The following CPXM2 variants were observed in gnomAD, a reference collection of about 807,000 sequenced individuals.
CPXM2 encodes the protein carboxypeptidase X, M14 family member 2.
In CPXM2, 66 loss-of-function variants were observed where a neutral mutation model predicts 86.1. That is an observed-to-expected ratio of 0.77 (90% CI 0.63 to 0.94). CPXM2 has a LOEUF of 0.94. Ranked by LOEUF, CPXM2 falls within the 40% of genes least tolerant of loss-of-function variation. CPXM2 has a pLI of 0.00. For missense variants in CPXM2, 948 were observed against 1,026.3 expected (o/e 0.92, Z 1.04); for synonymous variants, 388 against 400.2 (o/e 0.97, Z 0.36).
chr10:123,820,927 T>C (rs889899308), intron 4 of CPXM2, among the ~76,000 whole-genome samples: 12 of 152,336 alleles, frequency 7.9e-5, no homozygotes, highest in Non-Finnish European at 1.5e-4. Context: ...AAAGTCGCTT[T>C]TGCCATGTAA....
Position 123,824,809 on chromosome 10 carries a change from A to G in CPXM2, c.653+17540T>C, listed in dbSNP as rs146063564. Among the ~76,000 whole-genome samples the G allele has an allele frequency of 2.7e-3, 416 of 152,342 alleles. 1 individual carries two copies. Among genetic ancestry groups the G allele is most frequent in the African/African-American group, 9.2e-3 (382 of 41,586 alleles). On this transcript the variant is annotated intron_variant, in intron 4 of 13. Coordinates refer to ENST00000241305, the MANE Select transcript of CPXM2 (RefSeq NM_198148.3). ...ATACTTACTATTACAGTAGCTCAAC[A>G]CATGGTAGTTATTGTCATCATGACC...
At position 123,774,008 on chromosome 10, in the gene CPXM2, G is replaced by T. The variant is rs936018030; in HGVS notation, c.979-2969C>A. On this transcript the variant is annotated intron_variant, in intron 7 of 13. Transcript: ENST00000241305. ...TCACTGCAAATCTGTGATTTGCTAGGCTAAATTTGTTTATCAATACCCAAG... is the reference window on the plus strand; with the variant it reads ...TCACTGCAAATCTGTGATTTGCTAGTCTAAATTTGTTTATCAATACCCAAG... Among the ~76,000 whole-genome samples the T allele has an allele frequency of 3.3e-5, 5 of 152,182 alleles. No individual in the cohort carries two copies. In the East Asian group the frequency reaches 9.6e-4, roughly 29 times the overall value.
chr10:123,768,720 C>T lies in CPXM2; in HGVS notation c.1105G>A (p.Glu369Lys). ...SDHPGEHEVG[E>K]PEFHYIAGAH... ...CCCGCGATGTAGTGGAACTCGGGCT[C>T]ACCTTTACTCAAAGACAGAGAGAAG... Residue 369 changes from glutamate (E) to lysine (K), a missense_variant and splice_region_variant, in exon 9 of 14, where the codon GAG becomes AAG. Glu to Lys is a moderately conservative substitution (Grantham distance 56). Transcript: ENST00000241305. 1.2e-6 allele frequency: 2 copies of T among 1,607,306 alleles called. No individual in the cohort carries two copies. Among genetic ancestry groups the T allele is most frequent in the South Asian group, 1.1e-5 (1 of 91,068 alleles).
At chr10:123,890,364 G>A (rs1945247358) in intron 1 of CPXM2, among the ~76,000 whole-genome samples, 1 of 152,230 alleles carries the variant, frequency 6.6e-6, no homozygotes, top group Non-Finnish European at 1.5e-5. Context: ...CCTTTCAGGA[G>A]TTCTGTGTCC....
chr10:123,889,365 C>A (rs1047272414), intron 1 of CPXM2, among the ~76,000 whole-genome samples: 1 of 152,150 alleles, frequency 6.6e-6, no homozygotes, highest in Non-Finnish European at 1.5e-5. Flanking sequence ...TCAGTGAGCT[C>A]CCCCAGCTTG....
At chr10:123,792,388 C>T (rs1847224253) in intron 6 of CPXM2, among the ~76,000 whole-genome samples, 1 of 152,128 alleles carries the variant, frequency 6.6e-6, no homozygotes. Flanking sequence ...CTTCTGCTTC[C>T]TAGGGGAGTA....
intron 2 of CPXM2, among the ~76,000 whole-genome samples, chr10:123,917,771 C>G (rs563460436): frequency 6.6e-6 from 1 of 152,216 alleles, no homozygotes. Context: ...CTTTTCAGGA[C>G]TGAGAAAGGA....
intron 2 of CPXM2, among the ~76,000 whole-genome samples, chr10:123,867,579 G>A (rs1343353222): frequency 7.1e-6 from 1 of 141,646 alleles, no homozygotes; most frequent in African/African-American, 2.6e-5. Flanking sequence ...TGTCACCCAG[G>A]CTGCAGTGCA....
In CPXM2 at chr10:123,806,285, T is replaced by G. The variant is rs966415380; in HGVS notation, c.654-7086A>C. ...TTTATTTTCTTTCAGCACTTAAAAA[T>G]TTTGATTTTATTGGCTTGTGAGGCA... On this transcript the variant is annotated intron_variant, in intron 4 of 13. Coordinates refer to ENST00000241305, the MANE Select transcript of CPXM2 (RefSeq NM_198148.3). Among the ~76,000 whole-genome samples the G allele has an allele frequency of 2.6e-5, 4 of 152,296 alleles. No homozygotes were observed. The East Asian group carries it at 7.7e-4, about 29-fold the overall frequency.
chr10:123,814,404 T>C (rs1847766515), intron 4 of CPXM2, among the ~76,000 whole-genome samples: 2 of 152,178 alleles, frequency 1.3e-5, no homozygotes, highest in Middle Eastern at 3.2e-3. Context: ...TTCTTCAGTT[T>C]TGGGACTCAG....
At chr10:123,933,339 G>A (rs1167208407) in intron 2 of CPXM2, among the ~76,000 whole-genome samples, 2 of 152,208 alleles carry the variant, frequency 1.3e-5, no homozygotes. Flanking sequence ...ATCCTTTGAC[G>A]GCAGTGGGGA....
rs544216431 is a variant in CPXM2 at position 123,815,076 on chromosome 10, T to C, written c.654-15877A>G. 2.0e-5 allele frequency among the ~76,000 whole-genome samples: 3 copies of C among 152,324 alleles called. No individual in the cohort carries two copies. In the South Asian group the frequency reaches 6.2e-4, roughly 32 times the overall value. ...AAATACATTTGACACTCCTAATTCA[T>C]CACTCATGACAGGCAAGGAGTTTAG... is the stretch of plus-strand genomic sequence containing the variant. On this transcript the variant is annotated intron_variant, in intron 4 of 13. Transcript: ENST00000241305.
Position 123,754,672 on chromosome 10 carries a change from T to C in CPXM2, c.2008A>G (p.Ile670Val). ...IISVEGINHDIRTANDGDYWR... is the reference protein window; with the variant it reads ...IISVEGINHDVRTANDGDYWR... ...ACACATTTGCAGTTACCTGTTCGGA[T>C]GTCATGGTTAATGCCTTCTACGGAG... is the stretch of plus-strand genomic sequence containing the variant. Residue 670 changes from isoleucine to valine, a missense_variant, in exon 13 of 14, where the codon ATC (isoleucine) becomes GTC (valine). Physicochemically the swap from Ile to Val is conservative, Grantham distance 29. Coordinates refer to ENST00000241305, the MANE Select transcript of CPXM2 (RefSeq NM_198148.3). The surrounding 1 kb of genome is among the most constrained non-coding windows in gnomAD (Gnocchi z 4.0). The C allele has an allele frequency of 2.5e-6, 4 of 1,570,286 alleles. No homozygotes were observed. The highest frequency in any genetic ancestry group is 3.5e-6 in the Non-Finnish European group (4 of 1,139,748).
At chr10:123,843,777 T>C (rs1848438396) in intron 3 of CPXM2, among the ~76,000 whole-genome samples, 1 of 152,128 alleles carries the variant, frequency 6.6e-6, no homozygotes, top group Admixed American at 6.5e-5. Context: ...AACATAAGCG[T>C]TCTATCAGGA....
At chr10:123,842,263 T>A in intron 4 of CPXM2, 86 bp downstream of exon 4, 1 of 1,554,626 alleles carries the variant, frequency 6.4e-7, no homozygotes, top group Non-Finnish European at 8.7e-7. Flanking sequence ...AACACCTCTC[T>A]GCAACTTCCA....
intron 2 of CPXM2, among the ~76,000 whole-genome samples, chr10:123,926,459 C>A (rs1945622704): frequency 2.0e-5 from 3 of 152,232 alleles, no homozygotes; most frequent in African/African-American, 7.2e-5. Flanking sequence ...ACTCGCCTGA[C>A]AAATGCTTCT....
At chr10:123,774,949 G>A (rs1048417925) in intron 7 of CPXM2, among the ~76,000 whole-genome samples, 6 of 152,288 alleles carry the variant, frequency 3.9e-5, no homozygotes, top group South Asian at 4.2e-4. Context: ...GGAACAATAC[G>A]TTCCATTTCT....
intron 3 of CPXM2, among the ~76,000 whole-genome samples, chr10:123,856,451 C>G (rs556885767): frequency 3.3e-5 from 5 of 152,296 alleles, no homozygotes; most frequent in African/African-American, 1.2e-4. Context: ...GGGAAAATAT[C>G]TTAGGGTCCT....
At chr10:123,752,289 C>T (rs370414001) in intron 13 of CPXM2, 92 of 985,054 alleles carry the variant, frequency 9.3e-5, no homozygotes, top group Middle Eastern at 1.0e-3. Flanking sequence ...GGGGCTACTA[C>T]GTACAAAATT....
Sources: allele counts gnomAD v4.1 joint callset (sites outside exome capture counted in the v4.1 genomes callset), GRCh38; gene constraint gnomAD v4.1.1; non-coding constraint Gnocchi (gnomAD v3.1); transcripts MANE v1.5; gene names NCBI Gene and HGNC (gene_info 2026-07-23, HGNC 2026-07-21).